SGPP2: variants seen among roughly 807,000 people sequenced by gnomAD.
SGPP2 encodes sphingosine 1-phosphate phosphohydrolase 2.
A neutral mutation model predicts 33.9 loss-of-function variants in SGPP2; 30 were observed. That is an observed-to-expected ratio of 0.89 (90% CI 0.66 to 1.20). The LOEUF is 1.20. SGPP2 is among the 50% of genes most tolerant of loss of function. The probability of loss-of-function intolerance (pLI) is 0.00; values close to 1 mark genes in which losing one functional copy is unlikely to be tolerated. For missense variants in SGPP2, 458 were observed against 532.1 expected, an observed-to-expected ratio of 0.86 and a Z score of 1.37; for synonymous variants, 233 against 225.0, an observed-to-expected ratio of 1.04 and a Z score of -0.32.
rs566682290 is a variant in SGPP2 at position 222,451,231 on chromosome 2, A to G, written c.220-23337A>G. On this transcript the variant is annotated intron_variant, in intron 1 of 4. Coordinates refer to ENST00000321276, the MANE Select transcript of SGPP2 (RefSeq NM_152386.4). ...TCCAGAAACAATTTTCAAAGTTCCT[A>G]TGAAATCAATCATCTGGAGGGATAT... Among the ~76,000 whole-genome samples, 128 of 152,124 alleles carry G rather than the reference A, an allele frequency of 8.4e-4. 1 individual carries two copies. The highest frequency in any genetic ancestry group is 2.9e-3 in the African/African-American group (120 of 41,522).
At chr2:222,545,485 T>C (rs971377987) in intron 4 of SGPP2, among the ~76,000 whole-genome samples, 3 of 152,188 alleles carry the variant, frequency 2.0e-5, no homozygotes, top group Non-Finnish European at 4.4e-5. Flanking sequence ...TTTCACCATG[T>C]TGGCCAGGAT....
In SGPP2 at chr2:222,558,902, TCAAA is replaced by T. The variant is rs1689471037; in HGVS notation, c.*7_*10del. On this transcript the variant is annotated 3_prime_UTR_variant, in exon 5 of 5. Coordinates refer to ENST00000321276, the MANE Select transcript of SGPP2 (RefSeq NM_152386.4). ...CAGGTTTCTGGGATTACCCTGAGTCTCAAACAGTTGGAAACTAGCCCACTGGACA... is the reference window on the plus strand; with the variant it reads ...CAGGTTTCTGGGATTACCCTGAGTCTCAGTTGGAAACTAGCCCACTGGACA... 6.3e-7 allele frequency: 1 copy of T among 1,597,626 alleles called. No homozygotes were observed. The highest frequency in any genetic ancestry group is 1.7e-5 in the Admixed American group (1 of 59,710).
chr2:222,452,763 T>C, intron 1 of SGPP2: 1 of 1,468,690 alleles, frequency 6.8e-7, no homozygotes, highest in Non-Finnish European at 9.5e-7. Context: ...GCATTCCTGG[T>C]GGTAAGAAGA....
chr2:222,424,852 G>T, intron 1 of SGPP2, 31 bp downstream of exon 1: 1 of 1,304,896 alleles, frequency 7.7e-7, no homozygotes, highest in South Asian at 2.1e-5. Flanking sequence ...GCCGGGTACG[G>T]GGAGGGGGCG....
rs143762095 is a variant in SGPP2, at chr2:222,511,227, T to G, written c.379-10540T>G. On this transcript the variant is annotated intron_variant, in intron 2 of 4. Coordinates refer to ENST00000321276, the MANE Select transcript of SGPP2 (RefSeq NM_152386.4). Reference sequence around the variant, plus strand: ...CTTTTCCACACTGTAAGGACAAGTTTCATATTGACCGCATTGGTTCCCTGG... The same window carrying G: ...CTTTTCCACACTGTAAGGACAAGTTGCATATTGACCGCATTGGTTCCCTGG... 2.2e-3 allele frequency among the ~76,000 whole-genome samples: 331 copies of G among 152,310 alleles called. 3 individuals carry two copies. The highest frequency in any genetic ancestry group is 7.3e-3 in the African/African-American group (304 of 41,578).
intron 4 of SGPP2, among the ~76,000 whole-genome samples, chr2:222,536,403 G>A (rs1698915861): frequency 6.6e-6 from 1 of 152,188 alleles, no homozygotes; most frequent in Non-Finnish European, 1.5e-5. Context: ...TGTTTCAGCT[G>A]GGCACAGTGG....
chr2:222,556,332 G>C (rs756419583), intron 4 of SGPP2, among the ~76,000 whole-genome samples: 1 of 152,008 alleles, frequency 6.6e-6, no homozygotes, highest in Non-Finnish European at 1.5e-5. Flanking sequence ...ATGGTGAAGC[G>C]TGAGGGGATG....
chr2:222,499,480 CT>C (rs1698333472), intron 2 of SGPP2, among the ~76,000 whole-genome samples: 1 of 152,176 alleles, frequency 6.6e-6, no homozygotes, highest in African/African-American at 2.4e-5. Flanking sequence ...CAAAGACTGG[CT>C]GTTTAGAAGG....
intron 2 of SGPP2, among the ~76,000 whole-genome samples, chr2:222,486,211 A>G (rs1284104987): frequency 6.6e-6 from 1 of 152,120 alleles, no homozygotes; most frequent in Non-Finnish European, 1.5e-5. Flanking sequence ...TACCTCTGGG[A>G]AACTGAGGCT....
At chr2:222,463,276 G>A (rs1697693657) in intron 1 of SGPP2, among the ~76,000 whole-genome samples, 1 of 152,198 alleles carries the variant, frequency 6.6e-6, no homozygotes, top group African/African-American at 2.4e-5. Context: ...TCCTTCCCAA[G>A]CACTGTCTTT....
At chr2:222,545,892 G>T (rs917987361) in intron 4 of SGPP2, among the ~76,000 whole-genome samples, 1 of 152,142 alleles carries the variant, frequency 6.6e-6, no homozygotes, top group African/African-American at 2.4e-5. Context: ...CCATAAAACT[G>T]CCTGAGAACT....
rs374431333 is a variant in SGPP2 at position 222,561,530 on chromosome 2, C to T, written c.*2632C>T. ...TCTCATATATATGATATATATATAT[C>T]ATTTTATATATATATATATATCATA... On this transcript the variant is annotated 3_prime_UTR_variant, in exon 5 of 5. Coordinates refer to ENST00000321276, the MANE Select transcript of SGPP2 (RefSeq NM_152386.4). 1.1e-3 allele frequency among the ~76,000 whole-genome samples: 142 copies of T among 135,118 alleles called. 2 individuals are homozygous for T. The highest frequency in any genetic ancestry group is 7.6e-3 in the Admixed American group (102 of 13,416). 88.6% of individuals were successfully genotyped at this position (135,118 alleles called of 152,430 possible).
chr2:222,480,912 G>A (rs188291312), intron 2 of SGPP2, among the ~76,000 whole-genome samples: 77 of 152,332 alleles, frequency 5.1e-4, no homozygotes, highest in Non-Finnish European at 8.5e-4. Context: ...TACATATGCA[G>A]CCATAAAAAG....
chr2:222,424,947 C>A, intron 1 of SGPP2, 126 bp downstream of exon 1: 1 of 765,868 alleles, frequency 1.3e-6, no homozygotes, highest in Non-Finnish European at 1.8e-6. Flanking sequence ...GACCCGGCTC[C>A]CGCCGCTGCG....
chr2:222,454,361 C>A (rs767766476), intron 1 of SGPP2, among the ~76,000 whole-genome samples: 1 of 152,098 alleles, frequency 6.6e-6, no homozygotes, highest in Non-Finnish European at 1.5e-5. Flanking sequence ...GAAAAGCATG[C>A]AAGGTGAAAT....
chr2:222,512,368 A>G (rs776291478), intron 2 of SGPP2, among the ~76,000 whole-genome samples: 1 of 152,028 alleles, frequency 6.6e-6, no homozygotes, highest in Non-Finnish European at 1.5e-5. Flanking sequence ...AGTGGAAAGT[A>G]TAGAGTTCTC....
At chr2:222,459,435 CCACCA>C (rs906054163) in intron 1 of SGPP2, among the ~76,000 whole-genome samples, 2 of 152,070 alleles carry the variant, frequency 1.3e-5, no homozygotes, top group Non-Finnish European at 2.9e-5. Context: ...TAGGCATGAG[CCACCA>C]CATCTAGCAT....
chr2:222,560,434 ACCAAATACAAAAC>A lies in SGPP2; in HGVS notation c.*1540_*1552del. On this transcript the variant is annotated 3_prime_UTR_variant, in exon 5 of 5. Transcript: ENST00000321276. ...TAGTGTCTCTTGGGAAAACAAGCCA[ACCAAATACAAAAC>A]CCATTAAGCCTACTAGGGTGAGTCC... The A allele has an allele frequency of 6.6e-6, 1 of 152,380 alleles. No homozygotes were observed. The highest frequency in any genetic ancestry group is 2.1e-4 in the South Asian group (1 of 4,830). The allele number at this position is 152,380 out of a possible 1,614,324, so 9.4% of individuals were successfully genotyped here. A position where few individuals can be genotyped will look rare whatever the true frequency, so the allele number is the denominator to read the frequency against.
At chr2:222,512,847 T>C (rs1698550709) in intron 2 of SGPP2, among the ~76,000 whole-genome samples, 1 of 152,242 alleles carries the variant, frequency 6.6e-6, no homozygotes, top group Admixed American at 6.5e-5. Flanking sequence ...ATTGTCTACA[T>C]GAACCACAGT....
Sources: gnomAD v4.1 joint callset for allele counts (sites outside exome capture counted in the v4.1 genomes callset) on GRCh38, gnomAD v4.1.1 for gene constraint, MANE v1.5 for transcripts, NCBI Gene and HGNC (gene_info 2026-07-23, HGNC 2026-07-21) for gene names.